Variants in FARS2 observed in about 807,000 individuals in gnomAD.
FARS2 encodes the protein phenylalanine--tRNA ligase, mitochondrial.
In FARS2, 40 loss-of-function variants were observed where a neutral mutation model predicts 46.4. The ratio of observed to expected loss-of-function variants is 0.86; its 90% CI spans 0.67 to 1.12. The LOEUF (loss-of-function observed/expected upper bound fraction) is 1.12, where lower values mean the gene tolerates loss of function less well. Among genes scored for constraint, FARS2 ranks in the 50% most tolerant of loss-of-function variants. The pLI, the probability that FARS2 is intolerant of heterozygous loss-of-function variation, is 0.00. For synonymous variants in FARS2, 234 were observed against 214.9 expected (o/e 1.09, Z -0.78); for missense variants, 513 against 567.9 (o/e 0.90, Z 0.98).
At chr6:5,626,838 T>C (rs1337492334) in intron 6 of FARS2, among the ~76,000 whole-genome samples, 2 of 152,224 alleles carry the variant, frequency 1.3e-5, no homozygotes, top group African/African-American at 4.8e-5. Flanking sequence ...TATGTAAGTA[T>C]TATGGAGTGT....
intron 4 of FARS2, among the ~76,000 whole-genome samples, chr6:5,477,671 G>T (rs913268429): frequency 1.1e-4 from 17 of 152,132 alleles, no homozygotes; most frequent in Admixed American, 9.8e-4. Context: ...AATTAATTTT[G>T]TGTGTGTAAT....
chr6:5,639,401 G>C (rs1776696593), intron 6 of FARS2, among the ~76,000 whole-genome samples: 1 of 152,174 alleles, frequency 6.6e-6, no homozygotes, highest in Non-Finnish European at 1.5e-5. Flanking sequence ...CATATGAAAT[G>C]TTACCATGTT....
rs555900599 is a variant in FARS2, at chr6:5,488,789, C to T, written c.905-56391C>T. Among the ~76,000 whole-genome samples, 18 of 152,204 alleles carry T rather than the reference C, an allele frequency of 1.2e-4. 1 individual carries two copies. The East Asian group carries it at 1.3e-3, about 11-fold the overall frequency. Reference sequence around the variant, plus strand: ...TTTGGCTTTTAAATACTTCATACTCCGCATATCTAAATCTGAATCCATCAT... The same window carrying T: ...TTTGGCTTTTAAATACTTCATACTCTGCATATCTAAATCTGAATCCATCAT... On this transcript the variant is annotated intron_variant, in intron 4 of 6. Transcript: ENST00000274680.
intron 6 of FARS2, among the ~76,000 whole-genome samples, chr6:5,754,373 G>A (rs1033930772): frequency 1.3e-5 from 2 of 152,212 alleles, no homozygotes; most frequent in African/African-American, 4.8e-5. Context: ...CAGCTCTCCT[G>A]AGCTATTTAC....
chr6:5,393,978 G>T (rs1562008365), intron 2 of FARS2, among the ~76,000 whole-genome samples: 1 of 152,230 alleles, frequency 6.6e-6, no homozygotes. Context: ...GGCCACATTG[G>T]ACCGAAGCTT....
chr6:5,760,858 G>A (rs761688328), intron 6 of FARS2, among the ~76,000 whole-genome samples: 14 of 152,182 alleles, frequency 9.2e-5, no homozygotes, highest in African/African-American at 2.2e-4. Flanking sequence ...TGCTCTGATC[G>A]CTCCTGGACA....
chr6:5,604,508 G>A (rs936374425), intron 5 of FARS2, among the ~76,000 whole-genome samples: 9 of 152,134 alleles, frequency 5.9e-5, no homozygotes, highest in South Asian at 2.1e-4. Flanking sequence ...GTGGGCTGCC[G>A]TGCACTCACT....
intron 5 of FARS2, among the ~76,000 whole-genome samples, chr6:5,545,625 A>G (rs1246166874): frequency 4.6e-5 from 7 of 151,958 alleles, no homozygotes. Flanking sequence ...CCACCCCGCA[A>G]CAGGCCCCGG....
intron 4 of FARS2, among the ~76,000 whole-genome samples, chr6:5,538,967 G>C (rs1438904911): frequency 1.3e-5 from 2 of 152,124 alleles, no homozygotes; most frequent in Non-Finnish European, 2.9e-5. Flanking sequence ...TGGTCCATAA[G>C]CTTTGACACA....
chr6:5,368,503 C>T, intron 1 of FARS2, 47 bp from the exon 2 acceptor site: 1 of 1,518,020 alleles, frequency 6.6e-7, no homozygotes, highest in East Asian at 2.3e-5. Context: ...CACTTGCTTT[C>T]CACAGAGTGA....
intron 5 of FARS2, among the ~76,000 whole-genome samples, chr6:5,546,278 A>G (rs1367552118): frequency 1.4e-5 from 2 of 139,864 alleles, no homozygotes; most frequent in African/African-American, 2.7e-5. Flanking sequence ...TTTTTTTTAG[A>G]CAGAATCTCA....
At chr6:5,345,450 G>T (rs193211698) in intron 1 of FARS2, among the ~76,000 whole-genome samples, 1 of 152,154 alleles carries the variant, frequency 6.6e-6, no homozygotes, top group Non-Finnish European at 1.5e-5. Context: ...ACTTCACCCC[G>T]AGGTACAGTA....
chr6:5,409,447 T>G (rs1272855672), intron 3 of FARS2, among the ~76,000 whole-genome samples: 4 of 146,018 alleles, frequency 2.7e-5, no homozygotes, highest in African/African-American at 1.0e-4. Context: ...CGAGACTGAC[T>G]CAAAAAAAAA....
At chr6:5,594,983 A>G (rs901191472) in intron 5 of FARS2, among the ~76,000 whole-genome samples, 19 of 152,260 alleles carry the variant, frequency 1.2e-4, no homozygotes, top group Admixed American at 1.1e-3. Context: ...TCCAGGGCCA[A>G]CTGGAGGATC....
At chr6:5,401,397 T>G (rs1761245101) in intron 2 of FARS2, among the ~76,000 whole-genome samples, 1 of 152,202 alleles carries the variant, frequency 6.6e-6, no homozygotes, top group Admixed American at 6.5e-5. Flanking sequence ...ATTCTTTAAC[T>G]ATTGCCTATG....
At chr6:5,409,576 G>C (rs561699677) in intron 3 of FARS2, among the ~76,000 whole-genome samples, 3 of 152,294 alleles carry the variant, frequency 2.0e-5, no homozygotes, top group African/African-American at 7.2e-5. Context: ...TTTTATTACA[G>C]ATCGATGTTG....
Position 5,292,002 on chromosome 6 carries a change from T to C in FARS2, c.-22+30342T>C, listed in dbSNP as rs113788812. On this transcript the variant is annotated intron_variant, in intron 1 of 6. Transcript: ENST00000274680. ...TAGATAGGTAGACAGATACATGCTG[T>C]GAGGTCAGAAAGGAGGGTTGGTTAC... is the stretch of plus-strand genomic sequence containing the variant. Among the ~76,000 whole-genome samples the C allele has an allele frequency of 4.2e-3, 634 of 152,210 alleles. 2 individuals carry two copies. Among genetic ancestry groups the C allele is most frequent in the Non-Finnish European group, 6.1e-3 (415 of 68,010 alleles).
intron 3 of FARS2, among the ~76,000 whole-genome samples, chr6:5,408,286 C>A (rs1419031257): frequency 6.6e-6 from 1 of 152,158 alleles, no homozygotes; most frequent in Non-Finnish European, 1.5e-5. Context: ...GAGGCACATG[C>A]ACGCTGACAC....
intron 6 of FARS2, among the ~76,000 whole-genome samples, chr6:5,631,646 C>T (rs1776298777): frequency 6.6e-6 from 1 of 152,226 alleles, no homozygotes; most frequent in Non-Finnish European, 1.5e-5. Flanking sequence ...CTCTGCCCCA[C>T]AGGCAGCTTC....
Sources: gnomAD v4.1 joint callset for allele counts (sites outside exome capture counted in the v4.1 genomes callset) on GRCh38, gnomAD v4.1.1 for gene constraint, MANE v1.5 for transcripts, NCBI Gene and HGNC (gene_info 2026-07-23, HGNC 2026-07-21) for gene names.